Variants in NAMPT observed in about 807,000 individuals in gnomAD.
NAMPT encodes NAmPRTase.
A neutral mutation model predicts 58.7 loss-of-function variants in NAMPT; 7 were observed. The ratio of observed to expected loss-of-function variants is 0.12; its 90% CI spans 0.07 to 0.22. The LOEUF (loss-of-function observed/expected upper bound fraction) is 0.22. NAMPT is among the 10% of genes least tolerant of loss of function. The pLI is 1.00. For synonymous variants in NAMPT, 145 were observed against 198.1 expected (o/e 0.73, Z 2.25); for missense variants, 271 against 567.9 (o/e 0.48, Z 5.31).
intron 6 of NAMPT, among the ~76,000 whole-genome samples, chr7:106,264,988 G>A (rs887503622): frequency 1.3e-5 from 2 of 151,862 alleles, no homozygotes; most frequent in African/African-American, 2.4e-5. Flanking sequence ...ACTACTACCC[G>A]AATCCAAAAT....
intron 3 of NAMPT, among the ~76,000 whole-genome samples, chr7:106,273,985 A>G (rs758783996): frequency 2.6e-5 from 4 of 151,862 alleles, no homozygotes; most frequent in Admixed American, 6.6e-5. Context: ...AAGATACGCC[A>G]ACAGATTCCA....
intron 4 of NAMPT, 82 bp from the exon 5 acceptor site, chr7:106,269,394 T>TC: frequency 7.5e-7 from 1 of 1,333,326 alleles, no homozygotes; most frequent in Non-Finnish European, 1.0e-6. Context: ...TTTTTTTTTT[T>TC]TTGGAGGTAT....
chr7:106,275,175 T>C, intron 2 of NAMPT, 126 bp from the exon 3 acceptor site: 1 of 548,886 alleles, frequency 1.8e-6, no homozygotes, highest in Non-Finnish European at 3.2e-6. Context: ...ACTAAGAGGT[T>C]AAATGCTCAC....
rs1333155969 is a variant in NAMPT, at chr7:106,263,705, T to C, written c.744-88A>G. 4 of 929,146 alleles carry C rather than the reference T, an allele frequency of 4.3e-6. No homozygotes were observed. The African/African-American group carries it at 4.9e-5, about 11-fold the overall frequency. The allele number at this position is 929,146 out of a possible 1,614,324, so 57.6% of individuals were successfully genotyped here. A position where few individuals can be genotyped will look rare whatever the true frequency, so the allele number is the denominator to read the frequency against. ...CTTTAATCATATCTCATGTTTACTATACCAAACCATCAACATCACAGAGAA... is the reference window on the plus strand; with the variant it reads ...CTTTAATCATATCTCATGTTTACTACACCAAACCATCAACATCACAGAGAA... On this transcript the variant is annotated intron_variant, in intron 6 of 10. Coordinates refer to ENST00000222553, the MANE Select transcript of NAMPT (RefSeq NM_005746.3).
Position 106,284,811 on chromosome 7 carries a change from C to T in NAMPT, c.57+17G>A, listed in dbSNP as rs1455558541. The T allele has an allele frequency of 6.6e-7, 1 of 1,523,628 alleles. No individual in the cohort carries two copies. The highest frequency in any genetic ancestry group is 2.5e-5 in the East Asian group (1 of 39,502). The allele number at this position is 1,523,628 out of a possible 1,614,324, so 94.4% of individuals were successfully genotyped here. A position where few individuals can be genotyped will look rare whatever the true frequency, so the allele number is the denominator to read the frequency against. On this transcript the variant is annotated intron_variant, in intron 1 of 10. Coordinates refer to ENST00000222553, the MANE Select transcript of NAMPT (RefSeq NM_005746.3). The stretch of plus-strand genomic sequence containing the variant: ...CGCGCCCCGCTCCTCCTCATCTGCC[C>T]GGGCCCCGAGCTTTACCTTGTAGGA...
chr7:106,255,092 A>G (rs1045409454), intron 8 of NAMPT, among the ~76,000 whole-genome samples: 1 of 152,238 alleles, frequency 6.6e-6, no homozygotes, highest in Non-Finnish European at 1.5e-5. Context: ...AATTATGCAC[A>G]GGTGCTGTGG....
intron 8 of NAMPT, among the ~76,000 whole-genome samples, chr7:106,257,620 T>A (rs10224373): frequency 0.62 from 93,443 of 150,280 alleles, 29,447 homozygotes; most frequent in East Asian, 0.89. Context: ...ACAGACTGAG[T>A]CCCTGTCAAA....
At position 106,269,707 on chromosome 7, in the gene NAMPT, C is replaced by A. The variant is rs542202727; in HGVS notation, c.448-395G>T. Among the ~76,000 whole-genome samples, 4 of 152,082 alleles carry A rather than the reference C, an allele frequency of 2.6e-5. No homozygotes were observed. The South Asian group carries it at 8.3e-4, about 32-fold the overall frequency. On this transcript the variant is annotated intron_variant, in intron 4 of 10. Coordinates refer to ENST00000222553, the MANE Select transcript of NAMPT (RefSeq NM_005746.3). ...GGATGTTGAGGCAATGTCAAATTGC[C>A]CCAAGTTTCTAAATGCTTACTCTTC...
At chr7:106,278,190 T>C (rs1792688662) in intron 1 of NAMPT, among the ~76,000 whole-genome samples, 1 of 151,814 alleles carries the variant, frequency 6.6e-6, no homozygotes, top group African/African-American at 2.4e-5. Flanking sequence ...GTACACAGTC[T>C]CAATCTCAGT....
At chr7:106,257,891 A>AGG (rs1385055903) in intron 8 of NAMPT, among the ~76,000 whole-genome samples, 1 of 106,392 alleles carries the variant, frequency 9.4e-6, no homozygotes, top group Non-Finnish European at 2.2e-5. Flanking sequence ...TGCAAGGGGG[A>AGG]GGGGTGTGTG....
At position 106,248,450 on chromosome 7, in the gene NAMPT, G is replaced by C. The variant is rs1211876862; in HGVS notation, c.*2633C>G. 1 of 152,472 alleles carries C rather than the reference G, an allele frequency of 6.6e-6. No homozygotes were observed. Among genetic ancestry groups the C allele is most frequent in the Non-Finnish European group, 1.5e-5 (1 of 67,992 alleles). 9.4% of individuals were successfully genotyped at this position (152,472 alleles called of 1,614,324 possible). On this transcript the variant is annotated 3_prime_UTR_variant, in exon 11 of 11. Transcript: ENST00000222553. ...GAATGTAAAACTACAAAATACTTAAGTGTGAGTTCTAAATTATGGCAAACA... is the reference window on the plus strand; with the variant it reads ...GAATGTAAAACTACAAAATACTTAACTGTGAGTTCTAAATTATGGCAAACA...
intron 8 of NAMPT, among the ~76,000 whole-genome samples, chr7:106,260,016 A>C (rs889394073): frequency 6.6e-6 from 1 of 152,072 alleles, no homozygotes; most frequent in African/African-American, 2.4e-5. Context: ...TAGATTCAGC[A>C]AATTCTAAGG....
chr7:106,252,978 T>A lies in NAMPT; in HGVS notation c.1365+39A>T, dbSNP rs1234961373. The A allele has an allele frequency of 1.9e-6, 3 of 1,598,590 alleles. No individual in the cohort carries two copies. The African/African-American group carries it at 4.0e-5, about 22-fold the overall frequency. The stretch of plus-strand genomic sequence containing the variant: ...TTCTTATTAATTTGGTGAGCCAACC[T>A]ACTATTGCTTAAAAAAACCAATCAG... On this transcript the variant is annotated intron_variant, in intron 10 of 10. Transcript: ENST00000222553.
chr7:106,279,540 C>T (rs946483593), intron 1 of NAMPT, among the ~76,000 whole-genome samples: 2 of 152,222 alleles, frequency 1.3e-5, no homozygotes, highest in African/African-American at 2.4e-5. Context: ...GTTTTGCTAG[C>T]TTACTGTCCT....
chr7:106,271,195 C>T (rs1792526399), intron 4 of NAMPT, among the ~76,000 whole-genome samples: 3 of 152,116 alleles, frequency 2.0e-5, no homozygotes, highest in African/African-American at 7.2e-5. Context: ...AGAATCTTGC[C>T]TTGCTTACCA....
intron 6 of NAMPT, among the ~76,000 whole-genome samples, chr7:106,266,796 A>G (rs1452595099): frequency 1.3e-5 from 2 of 152,214 alleles, no homozygotes; most frequent in Admixed American, 6.5e-5. Flanking sequence ...AAGTCCCCTA[A>G]GATATTTATC....
At chr7:106,264,253 G>T (rs1239182809) in intron 6 of NAMPT, among the ~76,000 whole-genome samples, 1 of 151,970 alleles carries the variant, frequency 6.6e-6, no homozygotes, top group Admixed American at 6.6e-5. Flanking sequence ...CAGGGAATAA[G>T]AATTCAAATA....
chr7:106,280,321 G>A (rs941724835), intron 1 of NAMPT, among the ~76,000 whole-genome samples: 3 of 152,182 alleles, frequency 2.0e-5, no homozygotes, highest in African/African-American at 7.2e-5. Context: ...GCATTAATAA[G>A]AGTGCCATTT....
chr7:106,276,949 A>T, intron 2 of NAMPT, 74 bp downstream of exon 2: 1 of 1,221,296 alleles, frequency 8.2e-7, no homozygotes. Context: ...CAGATTTGTT[A>T]AAAATTCTAA....
Sources: gnomAD v4.1 joint callset for allele counts (sites outside exome capture counted in the v4.1 genomes callset) on GRCh38, gnomAD v4.1.1 for gene constraint, MANE v1.5 for transcripts, NCBI Gene and HGNC (gene_info 2026-07-23, HGNC 2026-07-21) for gene names.